Variants in CSMD3 observed in about 807,000 individuals in gnomAD.
CSMD3 encodes the protein CUB and sushi domain-containing protein 3.
Under a neutral mutation model 435.2 loss-of-function variants are expected in CSMD3, and 177 were observed. That is an observed-to-expected ratio of 0.41 (90% CI 0.36 to 0.46). The LOEUF (loss-of-function observed/expected upper bound fraction) is 0.46. Ranked by LOEUF, CSMD3 falls within the 20% of genes least tolerant of loss-of-function variation. The probability of loss-of-function intolerance (pLI) is 0.34; values close to 1 mark genes in which losing one functional copy is unlikely to be tolerated. For missense variants in CSMD3, 4,265 were observed against 4,504.6 expected (o/e 0.95, Z 1.52); for synonymous variants, 1,656 against 1,520.5 (o/e 1.09, Z -2.07).
chr8:112,873,008 A>C (rs1429646164), intron 10 of CSMD3, among the ~76,000 whole-genome samples: 1 of 151,968 alleles, frequency 6.6e-6, no homozygotes, highest in Non-Finnish European at 1.5e-5. Flanking sequence ...CAAATTCTAC[A>C]AAAGATTCAG....
At chr8:112,547,463 G>A (rs920943578) in intron 27 of CSMD3, among the ~76,000 whole-genome samples, 21 of 151,964 alleles carry the variant, frequency 1.4e-4, no homozygotes, top group South Asian at 4.1e-4. Context: ...TGGGAAGATC[G>A]CTTGAACTTA....
intron 23 of CSMD3, among the ~76,000 whole-genome samples, chr8:112,575,680 C>G (rs139138609): frequency 6.6e-6 from 1 of 152,068 alleles, no homozygotes; most frequent in Non-Finnish European, 1.5e-5. Flanking sequence ...GTTGGTAGCT[C>G]AGGCATGCAT....
chr8:112,899,714 T>A (rs1032633835), intron 10 of CSMD3, among the ~76,000 whole-genome samples: 72 of 142,732 alleles, frequency 5.0e-4, no homozygotes, highest in African/African-American at 1.7e-3. Context: ...TCATAACAGG[T>A]ATGCTACAGG....
intron 22 of CSMD3, among the ~76,000 whole-genome samples, chr8:112,630,420 T>A (rs1291196922): frequency 1.3e-5 from 2 of 152,156 alleles, no homozygotes; most frequent in Non-Finnish European, 2.9e-5. Flanking sequence ...AGTTCTGTAG[T>A]TAATCACCTA....
intron 23 of CSMD3, among the ~76,000 whole-genome samples, chr8:112,586,344 T>A (rs1830730650): frequency 6.6e-6 from 1 of 151,448 alleles, no homozygotes; most frequent in Non-Finnish European, 1.5e-5. Context: ...AAATGTGATT[T>A]TTGGAAGTGT....
In CSMD3 at chr8:112,337,808, C is replaced by T. The variant is rs547062103; in HGVS notation, c.6653-77G>A. Reference sequence around the variant, plus strand: ...CAGATAGGGTACTACAGCAATTTTGCAACTTAAAAATAGATGTGATGCTAC... The same window carrying T: ...CAGATAGGGTACTACAGCAATTTTGTAACTTAAAAATAGATGTGATGCTAC... On this transcript the variant is annotated intron_variant, in intron 42 of 70. Coordinates refer to ENST00000297405, the MANE Select transcript of CSMD3 (RefSeq NM_198123.2). 4.2e-5 allele frequency: 46 copies of T among 1,100,250 alleles called. No individual in the cohort carries two copies. The Middle Eastern group carries it at 1.0e-3, about 25-fold the overall frequency. The allele number at this position is 1,100,250 out of a possible 1,614,324, so 68.2% of individuals were successfully genotyped here. A position where few individuals can be genotyped will look rare whatever the true frequency, so the allele number is the denominator to read the frequency against.
intron 18 of CSMD3, among the ~76,000 whole-genome samples, chr8:112,652,128 G>A (rs776322335): frequency 1.3e-4 from 20 of 152,060 alleles, no homozygotes; most frequent in African/African-American, 4.8e-4. Flanking sequence ...GTTCAAAGTC[G>A]TCACCCTGAA....
chr8:112,899,599 T>TTATTTATATATATATATATA (rs2082046555), intron 10 of CSMD3, among the ~76,000 whole-genome samples: 1 of 100,026 alleles, frequency 1.0e-5, no homozygotes, highest in Non-Finnish European at 2.0e-5. Flanking sequence ...CTTGTCTATT[T>TTATTTATATATATATATATA]TATATATATA....
At chr8:112,914,624 A>G (rs1014590057) in intron 10 of CSMD3, among the ~76,000 whole-genome samples, 1 of 151,550 alleles carries the variant, frequency 6.6e-6, no homozygotes, top group African/African-American at 2.4e-5. Context: ...AATAAATTCA[A>G]TTTAAAGGAT....
intron 10 of CSMD3, among the ~76,000 whole-genome samples, chr8:112,874,505 TAA>T (rs1344339164): frequency 1.3e-5 from 2 of 152,134 alleles, no homozygotes; most frequent in Admixed American, 1.3e-4. Flanking sequence ...AGTGGAGTGT[TAA>T]AGTCTTCCAC....
intron 5 of CSMD3, among the ~76,000 whole-genome samples, chr8:113,020,751 T>C (rs1367616698): frequency 6.6e-6 from 1 of 152,230 alleles, no homozygotes; most frequent in African/African-American, 2.4e-5. Flanking sequence ...GTTTGTGGGG[T>C]GGGAGTGTCA....
intron 24 of CSMD3, among the ~76,000 whole-genome samples, chr8:112,557,442 G>A (rs746880115): frequency 6.6e-6 from 1 of 151,968 alleles, no homozygotes; most frequent in South Asian, 2.1e-4. Flanking sequence ...GGGGCTTATC[G>A]CCAGAGAAAC....
intron 3 of CSMD3, among the ~76,000 whole-genome samples, chr8:113,259,453 A>G (rs1189414224): frequency 6.6e-6 from 1 of 152,150 alleles, no homozygotes; most frequent in Non-Finnish European, 1.5e-5. Flanking sequence ...ATAAGAATTT[A>G]TTTTGAATGA....
chr8:113,281,806 T>C (rs1014768299), intron 2 of CSMD3, among the ~76,000 whole-genome samples: 4 of 151,950 alleles, frequency 2.6e-5, no homozygotes, highest in Admixed American at 6.6e-5. Context: ...TTCTGTTTGA[T>C]GTGTTTCCAG....
At chr8:112,630,613 A>T (rs2074488071) in intron 22 of CSMD3, among the ~76,000 whole-genome samples, 1 of 152,148 alleles carries the variant, frequency 6.6e-6, no homozygotes, top group Non-Finnish European at 1.5e-5. Context: ...GAGAATGAAA[A>T]TAGTGGTAAA....
chr8:113,321,302 G>A (rs1367624073), intron 1 of CSMD3, among the ~76,000 whole-genome samples: 1 of 151,620 alleles, frequency 6.6e-6, no homozygotes, highest in African/African-American at 2.4e-5. Flanking sequence ...TTATATTGCT[G>A]AGCCATATTC....
rs185744718 is a variant in CSMD3 at position 113,436,157 on chromosome 8, T to C, written c.178+520A>G. On this transcript the variant is annotated intron_variant, in intron 1 of 70. Transcript: ENST00000297405. ...CATAGAAGCCCAATTTACATACATATGCATGCAGACATTCATGTTGATGTG... is the reference window on the plus strand; with the variant it reads ...CATAGAAGCCCAATTTACATACATACGCATGCAGACATTCATGTTGATGTG... Among the ~76,000 whole-genome samples, 9 of 152,312 alleles carry C rather than the reference T, an allele frequency of 5.9e-5. No homozygotes were observed. In the East Asian group the frequency reaches 1.7e-3, roughly 29 times the overall value.
At chr8:112,356,920 T>C (rs1259079022) in intron 38 of CSMD3, among the ~76,000 whole-genome samples, 1 of 152,112 alleles carries the variant, frequency 6.6e-6, no homozygotes, top group Non-Finnish European at 1.5e-5. Context: ...GGTATGTCTT[T>C]ATCAGCAGCA....
rs778277159 is a variant in CSMD3 at position 113,105,201 on chromosome 8, TATA to T, written c.710-6241_710-6239del. 1.4e-4 allele frequency among the ~76,000 whole-genome samples: 21 copies of T among 151,974 alleles called. No homozygotes were observed. In the South Asian group the frequency reaches 3.9e-3, roughly 29 times the overall value. On this transcript the variant is annotated intron_variant, in intron 4 of 70. Transcript: ENST00000297405. ...AAAAATTAAAACTGAGAAAAATATA[TATA>T]ATAACTGTTTTAAAACATTAGACCA...
Sources: allele counts gnomAD v4.1 joint callset (sites outside exome capture counted in the v4.1 genomes callset), GRCh38; gene constraint gnomAD v4.1.1; transcripts MANE v1.5; gene names NCBI Gene and HGNC (gene_info 2026-07-23, HGNC 2026-07-21).